Variants in IRS1 observed in about 807,000 individuals in gnomAD.
IRS1 encodes insulin receptor substrate 1.
IRS1 carries 34 observed loss-of-function variants against 65.6 expected under a neutral mutation model. That is an observed-to-expected ratio of 0.52 (90% CI 0.39 to 0.69). IRS1 has a LOEUF of 0.69. IRS1 is among the 30% of genes least tolerant of loss of function. IRS1 has a pLI of 0.00. For missense variants in IRS1, 1,641 were observed against 1,720.2 expected (o/e 0.95, Z 0.81); for synonymous variants, 699 against 683.5 (o/e 1.02, Z -0.35).
chr2:226,792,712 G>A (rs1433751830), intron 1 of IRS1, among the ~76,000 whole-genome samples: 1 of 152,226 alleles, frequency 6.6e-6, no homozygotes, highest in East Asian at 1.9e-4. Context: ...CCTGAGAAAT[G>A]AGGAAAAGAA....
chr2:226,792,687 G>T (rs1574662526), intron 1 of IRS1, among the ~76,000 whole-genome samples: 1 of 152,180 alleles, frequency 6.6e-6, no homozygotes, highest in South Asian at 2.1e-4. Context: ...TCCTTTCACC[G>T]AGTCTCAGGT....
In IRS1 at chr2:226,795,015, G is replaced by A. The variant is rs1939679770; in HGVS notation, c.3724C>T (p.Gln1242Ter). The change falls in exon 1 of 2, where the codon CAG (glutamine) becomes TAG (stop). Residue 1242 changes from glutamine (Q) to a stop codon, truncating the protein, a stop_gained. Coordinates refer to ENST00000305123, the MANE Select transcript of IRS1 (RefSeq NM_005544.3). LOFTEE classifies it high-confidence loss of function. ...TGCTGTGATGTCCAGTTGAGCTACT[G>A]ACGGTCCTCTGGCTGCTTCTGGAAA... ...ISFQKQPEDR[Q>*] 6.2e-7 allele frequency: 1 copy of A among 1,613,132 alleles called. No individual in the cohort carries two copies. The highest frequency in any genetic ancestry group is 8.5e-7 in the Non-Finnish European group (1 of 1,179,980).
Position 226,795,342 on chromosome 2 carries a change from T to A in IRS1, c.3397A>T (p.Ser1133Cys). ...TGGCGTTTCACATCCTCGCTGCTGC[T>A]GCTGCTACCGCCACCGCCCCCTACT... ...AAVGGGGGSSSSSEDVKRHSS... is the reference protein window; with the variant it reads ...AAVGGGGGSSCSSEDVKRHSS... Residue 1133 changes from serine to cysteine, a missense_variant, in exon 1 of 2, where the codon AGC becomes TGC. Ser to Cys is a moderately radical substitution (Grantham distance 112). Around this residue, in one of 3 missense-constraint regions of IRS1, gnomAD observed 1,324 missense variants for 1,361.0 expected, o/e 0.97. Transcript: ENST00000305123. 1 of 1,613,298 alleles carries A rather than the reference T, an allele frequency of 6.2e-7. No homozygotes were observed. The highest frequency in any genetic ancestry group is 1.3e-5 in the African/African-American group (1 of 75,066).
At chr2:226,787,192 T>C (rs1939503803) in intron 1 of IRS1, among the ~76,000 whole-genome samples, 1 of 152,152 alleles carries the variant, frequency 6.6e-6, no homozygotes, top group South Asian at 2.1e-4. Context: ...AGCAAAGATA[T>C]CTTTTTTCCT....
At chr2:226,754,399 C>G (rs911091670) in intron 1 of IRS1, among the ~76,000 whole-genome samples, 2 of 152,210 alleles carry the variant, frequency 1.3e-5, no homozygotes, top group African/African-American at 4.8e-5. Flanking sequence ...ATATAGCCAT[C>G]ATTTGTTACA....
rs61536436 is a variant in IRS1 at position 226,732,708 on chromosome 2, AACACACACAC to A, written c.*3554_*3563del. 7.6e-6 allele frequency: 1 copy of A among 132,270 alleles called. No homozygotes were observed. The highest frequency in any genetic ancestry group is 1.7e-5 in the Non-Finnish European group (1 of 59,862). The allele number at this position is 132,270 out of a possible 1,614,324, so 8.2% of individuals were successfully genotyped here. A position where few individuals can be genotyped will look rare whatever the true frequency, so the allele number is the denominator to read the frequency against. ...ACACACATATATATACACACACACA[AACACACACAC>A]ACACACACACACACATATACAGCAT... On this transcript the variant is annotated 3_prime_UTR_variant, in exon 2 of 2. Coordinates refer to ENST00000305123, the MANE Select transcript of IRS1 (RefSeq NM_005544.3).
Position 226,736,265 on chromosome 2 carries a change from G to A in IRS1, c.*22-15C>T, listed in dbSNP as rs1490497660. 1 of 152,140 alleles carries A rather than the reference G, an allele frequency of 6.6e-6. No individual in the cohort carries two copies. 9.4% of individuals were successfully genotyped at this position (152,140 alleles called of 1,614,324 possible). A position where few individuals can be genotyped will look rare whatever the true frequency, so the allele number is the denominator to read the frequency against. On this transcript the variant is annotated splice_polypyrimidine_tract_variant and intron_variant, in intron 1 of 1. Transcript: ENST00000305123. ...AGGTCTTCATTCTGAAAAGAAAAAG[G>A]AAAGAATTCAGCACCACAGGTATCT...
chr2:226,756,388 T>C (rs1487343243), intron 1 of IRS1, among the ~76,000 whole-genome samples: 2 of 152,144 alleles, frequency 1.3e-5, no homozygotes, highest in Non-Finnish European at 2.9e-5. Flanking sequence ...TAGGTAAACA[T>C]GAGCCCTGCC....
Position 226,796,400 on chromosome 2 carries a change from G to A in IRS1, c.2339C>T (p.Pro780Leu), listed in dbSNP as rs141300291. 6.9e-5 allele frequency: 111 copies of A among 1,613,354 alleles called. No individual in the cohort carries two copies. In the African/African-American group the frequency reaches 9.2e-4, roughly 13 times the overall value. The change falls in exon 1 of 2, where the codon CCG becomes CTG. Residue 780 changes from proline (P) to leucine (L), a missense_variant. Pro to Leu is a moderately conservative substitution (Grantham distance 98, BLOSUM62 -3). Coordinates refer to ENST00000305123, the MANE Select transcript of IRS1 (RefSeq NM_005544.3). Reference protein sequence around the residue: ...SFKHTQRPGEPEEGARHQHLR... With the variant: ...SFKHTQRPGELEEGARHQHLR... Reference sequence around the variant, plus strand: ...GTGCTGATGCCGGGCACCCTCCTCCGGCTCCCCGGGGCGCTGGGTGTGCTT... The same window carrying A: ...GTGCTGATGCCGGGCACCCTCCTCCAGCTCCCCGGGGCGCTGGGTGTGCTT...
intron 1 of IRS1, among the ~76,000 whole-genome samples, chr2:226,760,713 A>T (rs1465020618): frequency 6.6e-6 from 1 of 152,202 alleles, no homozygotes; most frequent in East Asian, 1.9e-4. Flanking sequence ...CACAAGGCTA[A>T]ATGTTTAATC....
chr2:226,782,989 G>C (rs1405935437), intron 1 of IRS1, among the ~76,000 whole-genome samples: 2 of 152,206 alleles, frequency 1.3e-5, no homozygotes, highest in Non-Finnish European at 2.9e-5. Context: ...AACACAGTGA[G>C]ACTGTGTCCC....
intron 1 of IRS1, among the ~76,000 whole-genome samples, chr2:226,770,406 C>G (rs950800320): frequency 6.6e-6 from 1 of 152,220 alleles, no homozygotes; most frequent in Non-Finnish European, 1.5e-5. Context: ...CCTAAGAGTA[C>G]TTACCACTAT....
At chr2:226,778,159 GT>G (rs1437487500) in intron 1 of IRS1, among the ~76,000 whole-genome samples, 1 of 151,676 alleles carries the variant, frequency 6.6e-6, no homozygotes, top group Non-Finnish European at 1.5e-5. Flanking sequence ...TTTTAAATTT[GT>G]TTTTAGAACT....
At chr2:226,761,288 G>C (rs546720695) in intron 1 of IRS1, among the ~76,000 whole-genome samples, 1 of 152,218 alleles carries the variant, frequency 6.6e-6, no homozygotes, top group South Asian at 2.1e-4. Flanking sequence ...AATTGCTTTG[G>C]AATGCATTTT....
chr2:226,754,216 A>C (rs527892051), intron 1 of IRS1, among the ~76,000 whole-genome samples: 2 of 152,286 alleles, frequency 1.3e-5, no homozygotes, highest in East Asian at 3.9e-4. Context: ...ATTGATGACA[A>C]TGGTTCTCAA....
At chr2:226,763,924 G>A (rs2106168091) in intron 1 of IRS1, among the ~76,000 whole-genome samples, 1 of 151,732 alleles carries the variant, frequency 6.6e-6, no homozygotes, top group African/African-American at 2.4e-5. Context: ...ATAATCTTTG[G>A]GCCAATCACT....
At chr2:226,738,390 A>C (rs77613503) in intron 1 of IRS1, among the ~76,000 whole-genome samples, 636 of 152,360 alleles carry the variant, frequency 4.2e-3, no homozygotes, top group African/African-American at 0.015. Context: ...TTTTCTGATA[A>C]GTCAAAGTTT....
chr2:226,783,518 A>G (rs1335962018), intron 1 of IRS1, among the ~76,000 whole-genome samples: 1 of 152,234 alleles, frequency 6.6e-6, no homozygotes, highest in African/African-American at 2.4e-5. Context: ...TGGCTCACAG[A>G]GAAAAACTCA....
intron 1 of IRS1, among the ~76,000 whole-genome samples, chr2:226,743,825 A>C (rs10179720): frequency 0.083 from 12,575 of 152,276 alleles, 674 homozygotes; most frequent in East Asian, 0.19. Flanking sequence ...ACTTGCATTA[A>C]AATCAAAACT....
Sources: allele counts gnomAD v4.1 joint callset (sites outside exome capture counted in the v4.1 genomes callset), GRCh38; gene constraint gnomAD v4.1.1; regional missense constraint gnomAD v4.1.1; transcripts MANE v1.5; gene names NCBI Gene and HGNC (gene_info 2026-07-23, HGNC 2026-07-21).